The following CACNB2 variants were observed in gnomAD, a reference collection of about 807,000 sequenced individuals.
The protein encoded by CACNB2 is voltage-dependent L-type calcium channel subunit beta-2.
CACNB2 carries 42 observed loss-of-function variants against 73.3 expected under a neutral mutation model. The observed-to-expected ratio is 0.57, with a 90% CI of 0.45 to 0.74. The LOEUF (loss-of-function observed/expected upper bound fraction) is 0.74, where lower values mean the gene tolerates loss of function less well. CACNB2 is among the 30% of genes least tolerant of loss of function. The pLI is 0.00. For synonymous variants in CACNB2, 348 were observed against 310.3 expected, an observed-to-expected ratio of 1.12 and a Z score of -1.28; for missense variants, 940 against 853.0, an observed-to-expected ratio of 1.10 and a Z score of -1.27.
intron 3 of CACNB2, 31 bp from the exon 4 acceptor site, chr10:18,498,324 A>AT (rs760815390): frequency 5.0e-6 from 8 of 1,613,438 alleles, no homozygotes; most frequent in Non-Finnish European, 6.8e-6. Context: ...TTTTGCTCTT[A>AT]TTTTTTTCCC....
chr10:18,536,434 T>G lies in CACNB2; in HGVS notation c.1302+238T>G, dbSNP rs117995836. On this transcript the variant is annotated intron_variant, in intron 12 of 13. Transcript: ENST00000324631. ...CCACCATGATCGGCTAACTTTTTTT[T>G]TTCCCCCTGTAGAGACGGGGTCTTG... Among the ~76,000 whole-genome samples, 3,444 of 151,660 alleles carry G rather than the reference T, an allele frequency of 0.023. 67 individuals carry two copies. The highest frequency in any genetic ancestry group is 0.051 in the Middle Eastern group (15 of 294).
At chr10:18,438,756 C>CTGG (rs2046273709) in intron 3 of CACNB2, among the ~76,000 whole-genome samples, 2 of 152,368 alleles carry the variant, frequency 1.3e-5, no homozygotes, top group East Asian at 3.9e-4. Context: ...TCTGTTCTCC[C>CTGG]TGGGCCTTAT....
chr10:18,219,925 C>T (rs917250303), intron 2 of CACNB2, among the ~76,000 whole-genome samples: 4 of 150,178 alleles, frequency 2.7e-5, no homozygotes, highest in Non-Finnish European at 4.4e-5. Flanking sequence ...CGCCACCATG[C>T]CTGGCTAATT....
At chr10:18,430,477 T>G (rs1264758375) in intron 3 of CACNB2, among the ~76,000 whole-genome samples, 2 of 152,010 alleles carry the variant, frequency 1.3e-5, no homozygotes, top group African/African-American at 2.4e-5. Context: ...AAAAAATTAA[T>G]TAATTAACTG....
At chr10:18,366,929 G>A (rs2042378779) in intron 2 of CACNB2, among the ~76,000 whole-genome samples, 1 of 152,138 alleles carries the variant, frequency 6.6e-6, no homozygotes, top group South Asian at 2.1e-4. Context: ...TGCCAAGCGT[G>A]GGAAACTAGT....
Position 18,150,734 on chromosome 10 carries a change from C to T in CACNB2, c.121-149C>T, listed in dbSNP as rs1268576096. 4.4e-5 allele frequency: 26 copies of T among 594,188 alleles called. No homozygotes were observed. In the East Asian group the frequency reaches 5.6e-4, roughly 13 times the overall value. 36.8% of individuals were successfully genotyped at this position (594,188 alleles called of 1,614,324 possible). On this transcript the variant is annotated intron_variant, in intron 1 of 13. Transcript: ENST00000324631. ...TTGGAAATGGATTTGTAGAGTCCCA[C>T]CAGTATTAACTTTCTAATGATGCTT...
rs951387124 is a variant in CACNB2, at chr10:18,357,477, G to T, written c.214-44447G>T. Among the ~76,000 whole-genome samples the T allele has an allele frequency of 9.2e-5, 14 of 152,290 alleles. No individual in the cohort carries two copies. In the East Asian group the frequency reaches 2.7e-3, roughly 29 times the overall value. On this transcript the variant is annotated intron_variant, in intron 2 of 13. Coordinates refer to ENST00000324631, the MANE Select transcript of CACNB2 (RefSeq NM_201596.3). ...AAGCAGTTCCATGGATAGGGCCACT[G>T]CATGGACGGATTAGCGGTGATGTAC...
chr10:18,536,608 G>A (rs1380484206), intron 12 of CACNB2, among the ~76,000 whole-genome samples: 1 of 152,098 alleles, frequency 6.6e-6, no homozygotes, highest in Non-Finnish European at 1.5e-5. Context: ...ACCTGTCAGG[G>A]AAGAGAATCC....
chr10:18,387,825 A>C (rs2043299804), intron 2 of CACNB2, among the ~76,000 whole-genome samples: 1 of 151,758 alleles, frequency 6.6e-6, no homozygotes, highest in Non-Finnish European at 1.5e-5. Flanking sequence ...GGTACAATCA[A>C]GGCTTACTGC....
chr10:18,403,196 G>A (rs185256973), intron 3 of CACNB2, among the ~76,000 whole-genome samples: 1 of 152,300 alleles, frequency 6.6e-6, no homozygotes, highest in East Asian at 1.9e-4. Context: ...AGCAGATGCA[G>A]GGAGGGTTTT....
intron 1 of CACNB2, among the ~76,000 whole-genome samples, chr10:18,145,754 A>C (rs1326664415): frequency 2.0e-5 from 3 of 152,162 alleles, no homozygotes; most frequent in African/African-American, 7.2e-5. Flanking sequence ...GTTACAAACT[A>C]ATTGTAACAA....
intron 3 of CACNB2, among the ~76,000 whole-genome samples, chr10:18,470,548 G>A (rs199569185): frequency 6.6e-6 from 1 of 151,156 alleles, no homozygotes; most frequent in Non-Finnish European, 1.5e-5. Flanking sequence ...ACGTTATTCT[G>A]TATATATTAT....
At chr10:18,466,530 G>C (rs2047897282) in intron 3 of CACNB2, among the ~76,000 whole-genome samples, 1 of 152,028 alleles carries the variant, frequency 6.6e-6, no homozygotes, top group Non-Finnish European at 1.5e-5. Context: ...TTGGTTTTTT[G>C]GTCATGGTTG....
chr10:18,321,438 GA>G (rs1024710596), intron 2 of CACNB2, among the ~76,000 whole-genome samples: 9 of 150,790 alleles, frequency 6.0e-5, no homozygotes, highest in East Asian at 1.9e-4. Flanking sequence ...TTGCTAGTGG[GA>G]AAAAAAAATG....
At chr10:18,232,316 G>A (rs1417382857) in intron 2 of CACNB2, among the ~76,000 whole-genome samples, 1 of 152,066 alleles carries the variant, frequency 6.6e-6, no homozygotes, top group Non-Finnish European at 1.5e-5. Flanking sequence ...TTTTGCAGAA[G>A]AGTGAACTTA....
intron 2 of CACNB2, among the ~76,000 whole-genome samples, chr10:18,266,899 A>T (rs532685897): frequency 2.6e-5 from 4 of 152,310 alleles, no homozygotes; most frequent in Admixed American, 2.6e-4. Context: ...TAAATAAATA[A>T]ATAAGTATGA....
chr10:18,517,212 A>C (rs574723489), intron 7 of CACNB2, among the ~76,000 whole-genome samples: 4 of 152,020 alleles, frequency 2.6e-5, no homozygotes, highest in African/African-American at 9.6e-5. Flanking sequence ...ATTTTTTGAC[A>C]CTCCTTAGCC....
chr10:18,195,692 C>A (rs2034593342), intron 2 of CACNB2, among the ~76,000 whole-genome samples: 2 of 152,222 alleles, frequency 1.3e-5, no homozygotes, highest in Non-Finnish European at 2.9e-5. Flanking sequence ...GGCTCTTTGT[C>A]ACTGTGATAC....
chr10:18,402,125 G>C, intron 3 of CACNB2, 82 bp downstream of exon 3: 1 of 1,460,746 alleles, frequency 6.8e-7, no homozygotes. Flanking sequence ...TTCCCCTAAA[G>C]GTTGTTTGAT....
Sources: allele counts gnomAD v4.1 joint callset (sites outside exome capture counted in the v4.1 genomes callset), GRCh38; gene constraint gnomAD v4.1.1; transcripts MANE v1.5; gene names NCBI Gene and HGNC (gene_info 2026-07-23, HGNC 2026-07-21).